Variants in WDFY4 observed in about 807,000 individuals in gnomAD.
WDFY4 encodes WDFY family member 4, also known as WD repeat- and FYVE domain-containing protein 4.
WDFY4 carries 169 observed loss-of-function variants against 351.9 expected under a neutral mutation model. The ratio of observed to expected loss-of-function variants is 0.48; its 90% CI spans 0.42 to 0.55. The LOEUF is 0.55. Ranked by LOEUF, WDFY4 falls within the 20% of genes least tolerant of loss-of-function variation. WDFY4 has a pLI of 0.00. For missense variants in WDFY4, 3,803 were observed against 3,935.6 expected, an observed-to-expected ratio of 0.97 and a Z score of 0.90; for synonymous variants, 1,622 against 1,574.6, an observed-to-expected ratio of 1.03 and a Z score of -0.71.
chr10:48,823,710 A>T, intron 35 of WDFY4: 4 of 994,042 alleles, frequency 4.0e-6, no homozygotes, highest in Non-Finnish European at 4.8e-6. Flanking sequence ...ATGGACTCCC[A>T]GCTAATATCC....
chr10:48,701,708 G>A (rs1386210346), intron 1 of WDFY4, among the ~76,000 whole-genome samples: 3 of 152,190 alleles, frequency 2.0e-5, no homozygotes, highest in Admixed American at 2.0e-4. Context: ...TTTGGAGTCC[G>A]ATGCACAGAA....
At chr10:48,927,158 G>A (rs765396805) in intron 47 of WDFY4, among the ~76,000 whole-genome samples, 5 of 151,840 alleles carry the variant, frequency 3.3e-5, no homozygotes, top group Non-Finnish European at 7.4e-5. Flanking sequence ...CTAACCTCTC[G>A]TTAAGTACTT....
At chr10:48,695,759 T>TG (rs2063314749) in intron 1 of WDFY4, among the ~76,000 whole-genome samples, 1 of 151,950 alleles carries the variant, frequency 6.6e-6, no homozygotes, top group African/African-American at 2.4e-5. Context: ...ACTCAGGTCT[T>TG]TGTCCCCATC....
At chr10:48,789,763 G>A in intron 21 of WDFY4, 111 bp from the exon 22 acceptor site, 1 of 891,554 alleles carries the variant, frequency 1.1e-6, no homozygotes, top group South Asian at 1.5e-5. Flanking sequence ...CATTGCTGAT[G>A]GAGTGTCAGC....
chr10:48,847,941 G>A (rs568763076), intron 39 of WDFY4, among the ~76,000 whole-genome samples: 22 of 152,116 alleles, frequency 1.4e-4, no homozygotes, highest in Non-Finnish European at 2.9e-4. Context: ...CTCTTCACCC[G>A]CTCGGAGCGC....
chr10:48,969,050 T>G lies in WDFY4; in HGVS notation c.8585-14T>G. On this transcript the variant is annotated splice_polypyrimidine_tract_variant and intron_variant, in intron 55 of 61. Transcript: ENST00000325239. ...TCTTCCATGCATAAGTTCGCCATAC[T>G]AACTGGGGTGTAGATATGTACCTCT... 1 of 1,549,488 alleles carries G rather than the reference T, an allele frequency of 6.5e-7. No homozygotes were observed. Among genetic ancestry groups the G allele is most frequent in the African/African-American group, 1.4e-5 (1 of 73,110 alleles).
chr10:48,718,783 T>A (rs1286664930), intron 2 of WDFY4, among the ~76,000 whole-genome samples: 1 of 152,200 alleles, frequency 6.6e-6, no homozygotes, highest in African/African-American at 2.4e-5. Context: ...GGCCATCTGC[T>A]CAAAGACTTG....
At chr10:48,847,967 A>G (rs958437378) in intron 39 of WDFY4, among the ~76,000 whole-genome samples, 1 of 146,276 alleles carries the variant, frequency 6.8e-6, no homozygotes, top group African/African-American at 2.8e-5. Flanking sequence ...GTTTGTCATT[A>G]TAGCTGGAAA....
chr10:48,974,989 G>A lies in WDFY4; in HGVS notation c.9056G>A (p.Arg3019His), dbSNP rs969942181. 1.9e-5 allele frequency: 30 copies of A among 1,551,488 alleles called. No individual in the cohort carries two copies. In the East Asian group the frequency reaches 3.2e-4, roughly 16 times the overall value. The change falls in exon 58 of 62, where the codon CGC becomes CAC. Residue 3019 changes from arginine to histidine, a missense_variant. Physicochemically the swap from Arg to His is conservative, Grantham distance 29. Transcript: ENST00000325239. Reference protein sequence around the residue: ...WDLDHLTHVTRLPAHREGISA... With the variant: ...WDLDHLTHVTHLPAHREGISA... ...CTGGACCACCTCACCCACGTGACCC[G>A]CCTGCCCGCCCATCGGGAAGGCATC...
At chr10:48,944,822 T>A (rs78688047) in intron 49 of WDFY4, among the ~76,000 whole-genome samples, 119 of 152,290 alleles carry the variant, frequency 7.8e-4, no homozygotes, top group African/African-American at 2.8e-3. Flanking sequence ...ACTTAAAAAT[T>A]AGGAGATTTC....
At position 48,811,627 on chromosome 10, in the gene WDFY4, C is replaced by G; in HGVS notation, c.5133C>G (p.His1711Gln). Residue 1711 changes from histidine to glutamine, a missense_variant, in exon 30 of 62, where the codon CAC becomes CAG. This residue lies in a region of WDFY4 where 3,054 missense variants were observed against 3,148.6 expected (regional missense o/e 0.97). Transcript: ENST00000325239. ...TCTTGAATGACTTTCTGGCCCACCA[C>G]GTCCACATTCCAGAGGTCTACCTCA... Reference protein sequence around the residue: ...FRVLNDFLAHHVHIPEVYLIV... With the variant: ...FRVLNDFLAHQVHIPEVYLIV... 6.4e-7 allele frequency: 1 copy of G among 1,551,960 alleles called. No individual in the cohort carries two copies. The highest frequency in any genetic ancestry group is 2.4e-5 in the East Asian group (1 of 40,924).
chr10:48,761,891 A>T (rs556307098), intron 13 of WDFY4, among the ~76,000 whole-genome samples: 1 of 152,350 alleles, frequency 6.6e-6, no homozygotes, highest in African/African-American at 2.4e-5. Context: ...GAGGGCATCA[A>T]TGCCAGTATT....
At chr10:48,772,437 A>AGT (rs1027197098) in intron 13 of WDFY4, among the ~76,000 whole-genome samples, 1 of 147,712 alleles carries the variant, frequency 6.8e-6, no homozygotes, top group Non-Finnish European at 1.5e-5. Context: ...GGGGCATGTA[A>AGT]GTGTGTGTGT....
intron 57 of WDFY4, among the ~76,000 whole-genome samples, chr10:48,971,916 GC>G (rs1706972845): frequency 6.6e-6 from 1 of 152,188 alleles, no homozygotes; most frequent in Non-Finnish European, 1.5e-5. Flanking sequence ...CATCCCCATT[GC>G]CCATTTACAG....
chr10:48,697,349 C>T (rs1318676486), intron 1 of WDFY4, among the ~76,000 whole-genome samples: 1 of 152,230 alleles, frequency 6.6e-6, no homozygotes, highest in East Asian at 1.9e-4. Flanking sequence ...GTCTTAGCCT[C>T]CCGTGTCTTC....
intron 44 of WDFY4, among the ~76,000 whole-genome samples, chr10:48,891,580 A>G (rs1011921897): frequency 2.0e-5 from 3 of 152,252 alleles, no homozygotes; most frequent in Non-Finnish European, 4.4e-5. Context: ...GATAATGACA[A>G]GATGACTTCT....
rs866631469 is a variant in WDFY4, at chr10:48,900,245, C to A, written c.7462C>A (p.His2488Asn). ...GGACATCGCCCTGGAGATCTTCTTC[C>A]ACAATGGATATTCCAAGTTTCTTGT... is the stretch of plus-strand genomic sequence containing the variant. ...LQDIALEIFF[H>N]NGYSKFLVFY... The change falls in exon 46 of 62, where the codon CAC becomes AAC. Residue 2488 changes from histidine to asparagine, a missense_variant. His to Asn is a moderately conservative substitution (Grantham distance 68). Coordinates refer to ENST00000325239, the MANE Select transcript of WDFY4 (RefSeq NM_001394531.1). The A allele has an allele frequency of 1.3e-6, 2 of 1,551,564 alleles. No individual in the cohort carries two copies. Among genetic ancestry groups the A allele is most frequent in the Non-Finnish European group, 1.7e-6 (2 of 1,146,980 alleles).
intron 44 of WDFY4, among the ~76,000 whole-genome samples, chr10:48,895,924 C>G (rs924655886): frequency 6.6e-6 from 1 of 152,140 alleles, no homozygotes; most frequent in African/African-American, 2.4e-5. Context: ...CCTCATCACA[C>G]GTGGGTCCCT....
intron 39 of WDFY4, among the ~76,000 whole-genome samples, chr10:48,865,875 T>C (rs551044941): frequency 2.0e-5 from 3 of 152,314 alleles, no homozygotes; most frequent in African/African-American, 4.8e-5. Flanking sequence ...TACAATTGTT[T>C]ATAGTATTTT....
Sources: gnomAD v4.1 joint callset for allele counts (sites outside exome capture counted in the v4.1 genomes callset) on GRCh38, gnomAD v4.1.1 for gene constraint, gnomAD v4.1.1 regional missense constraint, MANE v1.5 for transcripts, NCBI Gene and HGNC (gene_info 2026-07-23, HGNC 2026-07-21) for gene names.